The following DLG2 variants were observed in gnomAD, a reference collection of about 807,000 sequenced individuals.
DLG2 encodes the protein disks large homolog 2.
DLG2 carries 45 observed loss-of-function variants against 132.5 expected under a neutral mutation model. The ratio of observed to expected loss-of-function variants is 0.34; its 90% CI spans 0.27 to 0.44. The LOEUF is 0.44. Ranked by LOEUF, DLG2 falls within the 20% of genes least tolerant of loss-of-function variation. The pLI is 1.00. For missense variants in DLG2, 1,045 were observed against 1,196.9 expected, an observed-to-expected ratio of 0.87 and a Z score of 1.87; for synonymous variants, 424 against 419.6, an observed-to-expected ratio of 1.01 and a Z score of -0.13.
intron 6 of DLG2, among the ~76,000 whole-genome samples, chr11:84,632,774 T>C (rs1204225813): frequency 1.3e-5 from 2 of 152,200 alleles, no homozygotes; most frequent in African/African-American, 4.8e-5. Context: ...GACTTTTTGG[T>C]TGCTACTGGA....
intron 4 of DLG2, among the ~76,000 whole-genome samples, chr11:85,172,982 A>G (rs1267984629): frequency 1.1e-4 from 17 of 152,222 alleles, no homozygotes; most frequent in Non-Finnish European, 1.5e-5. Context: ...TAAAGTGACC[A>G]AACCTATGAA....
chr11:84,148,969 G>T (rs1473749708), intron 9 of DLG2, among the ~76,000 whole-genome samples: 2 of 152,144 alleles, frequency 1.3e-5, no homozygotes, highest in Non-Finnish European at 2.9e-5. Context: ...CTGATGATTA[G>T]TGATGATGAG....
At chr11:84,871,248 T>A (rs1387555776) in intron 6 of DLG2, among the ~76,000 whole-genome samples, 4 of 152,174 alleles carry the variant, frequency 2.6e-5, no homozygotes, top group Non-Finnish European at 5.9e-5. Flanking sequence ...TGCATAAGGA[T>A]CTCAGATAGC....
chr11:84,622,268 T>C (rs1305862610), intron 6 of DLG2, among the ~76,000 whole-genome samples: 2 of 152,188 alleles, frequency 1.3e-5, no homozygotes, highest in Non-Finnish European at 2.9e-5. Context: ...TCCTCATAAC[T>C]ATCAGAGATA....
chr11:85,390,709 C>A (rs1407254243), intron 3 of DLG2, among the ~76,000 whole-genome samples: 1 of 151,888 alleles, frequency 6.6e-6, no homozygotes, highest in Non-Finnish European at 1.5e-5. Context: ...AAAATGAAAT[C>A]AAGATGGAAA....
At chr11:84,568,249 C>T (rs2099465424) in intron 6 of DLG2, among the ~76,000 whole-genome samples, 1 of 152,236 alleles carries the variant, frequency 6.6e-6, no homozygotes, top group Admixed American at 6.5e-5. Context: ...TGGCTCACGC[C>T]TGTAATCCCA....
chr11:85,457,451 T>C (rs1462602405), intron 3 of DLG2, among the ~76,000 whole-genome samples: 2 of 152,344 alleles, frequency 1.3e-5, no homozygotes, highest in Non-Finnish European at 2.9e-5. Context: ...AAGGCTAATA[T>C]TGATATATGC....
rs556161153 is a variant in DLG2 at position 84,500,768 on chromosome 11, T to A, written c.519+33802A>T. On this transcript the variant is annotated intron_variant, in intron 7 of 27. Coordinates refer to ENST00000376104, the MANE Select transcript of DLG2 (RefSeq NM_001142699.3). Reference sequence around the variant, plus strand: ...CTGGGATCAGAAACCAGATAGATAATTTAAAAAGTAATGGATCCCAACACA... The same window carrying A: ...CTGGGATCAGAAACCAGATAGATAAATTAAAAAGTAATGGATCCCAACACA... Among the ~76,000 whole-genome samples, 715 of 152,222 alleles carry A rather than the reference T, an allele frequency of 4.7e-3. 3 individuals carry two copies. The highest frequency in any genetic ancestry group is 0.019 in the South Asian group (91 of 4,820).
At chr11:84,854,297 A>G (rs562953540) in intron 6 of DLG2, among the ~76,000 whole-genome samples, 10 of 151,224 alleles carry the variant, frequency 6.6e-5, no homozygotes, top group African/African-American at 2.4e-4. Context: ...ATCTGTGACC[A>G]TGGAAAAGTT....
At chr11:84,076,872 G>A (rs1218136327) in intron 10 of DLG2, among the ~76,000 whole-genome samples, 1 of 152,190 alleles carries the variant, frequency 6.6e-6, no homozygotes, top group Admixed American at 6.5e-5. Context: ...ACAAAGCCAT[G>A]TGATGTGAAG....
At chr11:83,786,931 G>A (rs1251721873) in intron 17 of DLG2, 139 bp from the exon 18 acceptor site, 2 of 636,742 alleles carry the variant, frequency 3.1e-6, no homozygotes, top group African/African-American at 1.8e-5. Context: ...TCAGGTGTTT[G>A]TGGACTTTCA....
chr11:83,758,874 T>C (rs1174273096), intron 18 of DLG2, among the ~76,000 whole-genome samples: 1 of 152,324 alleles, frequency 6.6e-6, no homozygotes, highest in East Asian at 1.9e-4. Context: ...TACCATTTTG[T>C]AATATAATAT....
At chr11:84,831,459 G>C (rs2079047756) in intron 6 of DLG2, among the ~76,000 whole-genome samples, 1 of 151,558 alleles carries the variant, frequency 6.6e-6, no homozygotes, top group South Asian at 2.1e-4. Flanking sequence ...CTGGGTAAAG[G>C]AGAGTATAAC....
intron 16 of DLG2, among the ~76,000 whole-genome samples, chr11:83,873,400 G>C (rs1052883068): frequency 6.6e-6 from 1 of 152,018 alleles, no homozygotes; most frequent in African/African-American, 2.4e-5. Flanking sequence ...TGAATCATGG[G>C]GCAGCTTCTC....
At chr11:85,460,942 T>C (rs182376445) in intron 3 of DLG2, among the ~76,000 whole-genome samples, 1 of 152,368 alleles carries the variant, frequency 6.6e-6, no homozygotes, top group East Asian at 1.9e-4. Flanking sequence ...GTTTTGCCTT[T>C]TGGCTTATTT....
intron 26 of DLG2, among the ~76,000 whole-genome samples, chr11:83,463,831 T>G (rs1000415247): frequency 6.6e-6 from 1 of 152,224 alleles, no homozygotes; most frequent in Non-Finnish European, 1.5e-5. Context: ...ATCTTCGACC[T>G]GCCTTCCAAG....
intron 9 of DLG2, among the ~76,000 whole-genome samples, chr11:84,148,976 T>C (rs906227361): frequency 6.6e-6 from 1 of 152,210 alleles, no homozygotes; most frequent in East Asian, 1.9e-4. Flanking sequence ...TTAGTGATGA[T>C]GAGAAATCTT....
chr11:85,403,852 C>T (rs981569871), intron 3 of DLG2, among the ~76,000 whole-genome samples: 1 of 151,884 alleles, frequency 6.6e-6, no homozygotes, highest in South Asian at 2.1e-4. Flanking sequence ...CAAAAGAAGA[C>T]AGAGGATTGA....
chr11:84,049,247 G>A (rs2096302966), intron 11 of DLG2, among the ~76,000 whole-genome samples: 1 of 151,820 alleles, frequency 6.6e-6, no homozygotes, highest in Non-Finnish European at 1.5e-5. Context: ...TGCAAGTCAA[G>A]TTGATATTTA....
Sources: gnomAD v4.1 joint callset for allele counts (sites outside exome capture counted in the v4.1 genomes callset) on GRCh38, gnomAD v4.1.1 for gene constraint, MANE v1.5 for transcripts, NCBI Gene and HGNC (gene_info 2026-07-23, HGNC 2026-07-21) for gene names.